HIBCH: variants seen among roughly 807,000 people sequenced by gnomAD.
HIBCH encodes the protein 3-hydroxyisobutyryl-CoA hydrolase, mitochondrial.
HIBCH carries 50 observed loss-of-function variants against 58.2 expected under a neutral mutation model. The observed-to-expected ratio is 0.86, with a 90% confidence interval of 0.68 to 1.09. The LOEUF (loss-of-function observed/expected upper bound fraction) is 1.09, where lower values mean the gene tolerates loss of function less well. Among genes scored for constraint, HIBCH ranks in the 50% least tolerant of loss-of-function variants. HIBCH has a pLI of 0.00. For synonymous variants in HIBCH, 151 were observed against 146.9 expected (o/e 1.03, Z -0.20); for missense variants, 450 against 449.7 (o/e 1.00, Z -0.01).
intron 11 of HIBCH, among the ~76,000 whole-genome samples, chr2:190,237,071 CA>C (rs1401583961): frequency 6.6e-6 from 1 of 152,154 alleles, no homozygotes; most frequent in Admixed American, 6.5e-5. Context: ...GGCCAACTGT[CA>C]GTATGTCATT....
At chr2:190,259,319 A>ATATGTGTGTGTG (rs1356514373) in intron 7 of HIBCH, among the ~76,000 whole-genome samples, 1 of 122,116 alleles carries the variant, frequency 8.2e-6, no homozygotes, top group Non-Finnish European at 1.7e-5. Flanking sequence ...CAGTATACAG[A>ATATGTGTGTGTG]TGTGTGTGTG....
At chr2:190,219,507 G>A (rs1372224267) in intron 11 of HIBCH, among the ~76,000 whole-genome samples, 1 of 152,120 alleles carries the variant, frequency 6.6e-6, no homozygotes, top group Non-Finnish European at 1.5e-5. Context: ...AAGTTTATTA[G>A]TCTGCAAAAT....
chr2:190,221,120 G>T (rs1031894173), intron 11 of HIBCH, among the ~76,000 whole-genome samples: 5 of 152,152 alleles, frequency 3.3e-5, no homozygotes, highest in Non-Finnish European at 7.4e-5. Flanking sequence ...CAAATAGGAA[G>T]AAAACTTTAT....
chr2:190,205,824 C>T (rs547436549), intron 13 of HIBCH, among the ~76,000 whole-genome samples: 1 of 152,188 alleles, frequency 6.6e-6, no homozygotes, highest in South Asian at 2.1e-4. Flanking sequence ...TCATCATAGC[C>T]ACATAGTATC....
chr2:190,313,840 T>G (rs1378628281), intron 1 of HIBCH, among the ~76,000 whole-genome samples: 1 of 152,120 alleles, frequency 6.6e-6, no homozygotes, highest in Non-Finnish European at 1.5e-5. Context: ...ATTATGAAAC[T>G]GAAGTGACAG....
At chr2:190,288,117 C>T (rs1292855662) in intron 5 of HIBCH, among the ~76,000 whole-genome samples, 1 of 149,298 alleles carries the variant, frequency 6.7e-6, no homozygotes. Flanking sequence ...TGTGATCATG[C>T]CACTGCACTC....
chr2:190,316,704 T>C (rs919754498), intron 1 of HIBCH, among the ~76,000 whole-genome samples: 2 of 152,168 alleles, frequency 1.3e-5, no homozygotes, highest in African/African-American at 4.8e-5. Context: ...AATGCTTCCT[T>C]CTCAGCCTCT....
At chr2:190,266,728 C>T (rs1271651477) in intron 6 of HIBCH, among the ~76,000 whole-genome samples, 2 of 151,916 alleles carry the variant, frequency 1.3e-5, no homozygotes, top group Admixed American at 1.3e-4. Flanking sequence ...GCCACCGCAC[C>T]TGGCCACAAA....
chr2:190,294,018 G>GTATATATATA (rs1282515390), intron 4 of HIBCH, among the ~76,000 whole-genome samples: 31 of 39,964 alleles, frequency 7.8e-4, no homozygotes, highest in African/African-American at 3.3e-3. Context: ...TATATATTTT[G>GTATATATATA]TGTGTATATA....
intron 6 of HIBCH, among the ~76,000 whole-genome samples, chr2:190,265,307 T>C (rs1687202125): frequency 7.3e-6 from 1 of 137,180 alleles, no homozygotes; most frequent in Non-Finnish European, 1.6e-5. Context: ...TGACTATATG[T>C]TAGTATTTCA....
chr2:190,231,900 TA>T (rs1208141139), intron 11 of HIBCH, among the ~76,000 whole-genome samples: 2 of 152,006 alleles, frequency 1.3e-5, no homozygotes, highest in Non-Finnish European at 2.9e-5. Context: ...GGTCAAAACA[TA>T]AAACTTAATT....
rs141699035 is a variant in HIBCH at position 190,228,373 on chromosome 2, G to A, written c.892-15298C>T. 9.2e-3 allele frequency among the ~76,000 whole-genome samples: 1,297 copies of A among 141,222 alleles called. 6 individuals carry two copies. Among genetic ancestry groups the A allele is most frequent in the Non-Finnish European group, 0.014 (916 of 64,980 alleles). The allele number at this position is 141,222 out of a possible 152,430, so 92.6% of individuals were successfully genotyped here. A position where few individuals can be genotyped will look rare whatever the true frequency, so the allele number is the denominator to read the frequency against. Reference sequence around the variant, plus strand: ...CAATGAGAACATTTGGACACAGAGCGGGGAACACCACACACCAGGGACTGT... The same window carrying A: ...CAATGAGAACATTTGGACACAGAGCAGGGAACACCACACACCAGGGACTGT... On this transcript the variant is annotated intron_variant, in intron 11 of 13. Coordinates refer to ENST00000359678, the MANE Select transcript of HIBCH (RefSeq NM_014362.4).
At position 190,290,497 on chromosome 2, in the gene HIBCH, A is replaced by G. The variant is rs771947871; in HGVS notation, c.305-12T>C. Reference sequence around the variant, plus strand: ...AGCTTCCGAGATCACTAGGAAGGAAAGATTACAAATAAAAAAAAAAAGATT... The same window carrying G: ...AGCTTCCGAGATCACTAGGAAGGAAGGATTACAAATAAAAAAAAAAAGATT... On this transcript the variant is annotated splice_polypyrimidine_tract_variant and intron_variant, in intron 4 of 13. Coordinates refer to ENST00000359678, the MANE Select transcript of HIBCH (RefSeq NM_014362.4). The G allele has an allele frequency of 3.8e-6, 6 of 1,562,730 alleles. No individual in the cohort carries two copies. Among genetic ancestry groups the G allele is most frequent in the African/African-American group, 1.4e-5 (1 of 73,598 alleles).
intron 11 of HIBCH, among the ~76,000 whole-genome samples, chr2:190,239,905 C>A: frequency 6.6e-6 from 1 of 152,180 alleles, no homozygotes; most frequent in East Asian, 1.9e-4. Context: ...CCGCTTCGGC[C>A]TCCCAAAGTG....
At chr2:190,245,989 CAAAAAAAAAAA>C (rs527873173) in intron 10 of HIBCH, among the ~76,000 whole-genome samples, 154 bp downstream of exon 10, 34 of 60,262 alleles carry the variant, frequency 5.6e-4, no homozygotes, top group Admixed American at 5.1e-3. Context: ...GACTCTGTCT[CAAAAAAAAAAA>C]AAAAAAAAGG....
At chr2:190,267,050 C>A (rs894610784) in intron 6 of HIBCH, among the ~76,000 whole-genome samples, 5 of 152,098 alleles carry the variant, frequency 3.3e-5, no homozygotes, top group Non-Finnish European at 7.3e-5. Context: ...AGCCACTGTA[C>A]CTGGCCAAGA....
chr2:190,310,044 G>A (rs1309561350), intron 2 of HIBCH, among the ~76,000 whole-genome samples: 1 of 152,168 alleles, frequency 6.6e-6, no homozygotes, highest in African/African-American at 2.4e-5. Flanking sequence ...GCAGGCAGAA[G>A]TTGGAAGGAC....
chr2:190,283,060 A>G (rs1687745305), intron 6 of HIBCH, among the ~76,000 whole-genome samples: 1 of 152,160 alleles, frequency 6.6e-6, no homozygotes, highest in South Asian at 2.1e-4. Context: ...TCCAATGAGC[A>G]TTTCCTTTGA....
Position 190,243,416 on chromosome 2 carries a change from A to G in HIBCH, c.891+1471T>C, listed in dbSNP as rs183950281. ...GTTAATACTTAATAAACTCCCCTTTATATACATATCTCCTATTAGTTCTTT... is the reference window on the plus strand; with the variant it reads ...GTTAATACTTAATAAACTCCCCTTTGTATACATATCTCCTATTAGTTCTTT... On this transcript the variant is annotated intron_variant, in intron 11 of 13. Coordinates refer to ENST00000359678, the MANE Select transcript of HIBCH (RefSeq NM_014362.4). This position sits in a 1 kb window ranked among gnomAD's most constrained non-coding sequence, Gnocchi z 4.1. 1.3e-5 allele frequency among the ~76,000 whole-genome samples: 2 copies of G among 152,298 alleles called. No individual in the cohort carries two copies. The highest frequency in any genetic ancestry group is 4.8e-5 in the African/African-American group (2 of 41,562).
Sources: gnomAD v4.1 joint callset for allele counts (sites outside exome capture counted in the v4.1 genomes callset) on GRCh38, gnomAD v4.1.1 for gene constraint, Gnocchi (gnomAD v3.1) non-coding constraint, MANE v1.5 for transcripts, NCBI Gene and HGNC (gene_info 2026-07-23, HGNC 2026-07-21) for gene names.